The following CLDN16 variants were observed in gnomAD, a reference collection of about 807,000 sequenced individuals.
CLDN16 encodes the protein claudin 16, also known as claudin-16.
CLDN16 carries 13 observed loss-of-function variants against 24.6 expected under a neutral mutation model. The observed-to-expected ratio is 0.53, with a 90% CI of 0.34 to 0.84. The LOEUF (loss-of-function observed/expected upper bound fraction) is 0.84. CLDN16 is among the 40% of genes least tolerant of loss of function. The pLI is 0.01. For synonymous variants in CLDN16, 116 were observed against 106.7 expected, an observed-to-expected ratio of 1.09 and a Z score of -0.54; for missense variants, 298 against 292.7, an observed-to-expected ratio of 1.02 and a Z score of -0.13.
At chr3:190,345,682 T>A (rs980440956) in intron 1 of CLDN16, among the ~76,000 whole-genome samples, 3 of 152,158 alleles carry the variant, frequency 2.0e-5, no homozygotes, top group African/African-American at 4.8e-5. Context: ...TCAGCTTTGT[T>A]TAAATGCTTT....
the CLDN16 span, among the ~76,000 whole-genome samples, chr3:190,313,897 C>T: frequency 6.6e-6 from 1 of 152,116 alleles, no homozygotes; most frequent in African/African-American, 2.4e-5. Context: ...AACTTGATGC[C>T]ATCATTGTGG....
rs115693785 is a variant in CLDN16 at position 190,392,276 on chromosome 3, T to G, written c.114+3833T>G. Among the ~76,000 whole-genome samples the G allele has an allele frequency of 3.4e-3, 516 of 152,150 alleles. 4 individuals carry two copies. Among genetic ancestry groups the G allele is most frequent in the African/African-American group, 0.012 (493 of 41,512 alleles). On this transcript the variant is annotated intron_variant, in intron 1 of 4. Coordinates refer to ENST00000264734, the MANE Select transcript of CLDN16 (RefSeq NM_006580.4). ...CATTTCCTTGTTCCTTCCTTCCTCT[T>G]CTTTATTCCCCCTCTCTCTTTTCCT...
intron 1 of CLDN16, among the ~76,000 whole-genome samples, chr3:190,345,604 A>G (rs1717535132): frequency 1.3e-5 from 2 of 152,126 alleles, no homozygotes; most frequent in South Asian, 4.1e-4. Flanking sequence ...AAGCAGCATA[A>G]TGCTCTCTAG....
At chr3:190,301,532 TATC>T in the CLDN16 span, among the ~76,000 whole-genome samples, 1 of 152,134 alleles carries the variant, frequency 6.6e-6, no homozygotes, top group African/African-American at 2.4e-5. Flanking sequence ...AAGGAGAAAT[TATC>T]ATCATGTCCA....
At chr3:190,357,808 T>C (rs1206474227) in intron 1 of CLDN16, among the ~76,000 whole-genome samples, 1 of 151,982 alleles carries the variant, frequency 6.6e-6, no homozygotes, top group African/African-American at 2.4e-5. Context: ...AAAGCCATCT[T>C]TGGGTCTGTA....
At chr3:190,391,311 A>T (rs1193353005) in intron 1 of CLDN16, among the ~76,000 whole-genome samples, 1 of 151,652 alleles carries the variant, frequency 6.6e-6, no homozygotes, top group Non-Finnish European at 1.5e-5. Context: ...ATTATATCAT[A>T]TAAAAGGAAT....
chr3:190,372,070 C>A (rs1718154493), intron 2 of CLDN16, among the ~76,000 whole-genome samples: 1 of 151,914 alleles, frequency 6.6e-6, no homozygotes, highest in Non-Finnish European at 1.5e-5. Flanking sequence ...GGTCCCATGC[C>A]CTGTCTCACA....
intron 1 of CLDN16, among the ~76,000 whole-genome samples, chr3:190,355,536 A>G (rs146684888): frequency 2.6e-3 from 396 of 152,020 alleles, no homozygotes; most frequent in African/African-American, 6.4e-3. Flanking sequence ...AGGATAATTT[A>G]AACTTCTTAA....
intron 3 of CLDN16, among the ~76,000 whole-genome samples, chr3:190,381,568 A>T (rs1718373590): frequency 6.6e-6 from 1 of 152,044 alleles, no homozygotes; most frequent in African/African-American, 2.4e-5. Context: ...TAGGCCCTTG[A>T]TAATATTATT....
At chr3:190,299,282 A>G in the CLDN16 span, among the ~76,000 whole-genome samples, 7 of 151,602 alleles carry the variant, frequency 4.6e-5, no homozygotes, top group Non-Finnish European at 1.0e-4. Flanking sequence ...TTTTTTTTCC[A>G]TTTGATTGTA....
the CLDN16 span, among the ~76,000 whole-genome samples, chr3:190,315,858 A>C: frequency 6.6e-6 from 1 of 152,254 alleles, no homozygotes; most frequent in African/African-American, 2.4e-5. Flanking sequence ...CATCAATCTC[A>C]TGAGTCGGAC....
At chr3:190,406,513 A>T (rs1260532520) in intron 3 of CLDN16, among the ~76,000 whole-genome samples, 3 of 152,170 alleles carry the variant, frequency 2.0e-5, no homozygotes, top group African/African-American at 7.2e-5. Flanking sequence ...ACTGAAGAAA[A>T]TCCTGATAGG....
At chr3:190,294,157 G>A in the CLDN16 span, among the ~76,000 whole-genome samples, 1 of 152,138 alleles carries the variant, frequency 6.6e-6, no homozygotes, top group Non-Finnish European at 1.5e-5. Flanking sequence ...AGAGTTTTGT[G>A]CTTGTATTTA....
the CLDN16 span, among the ~76,000 whole-genome samples, chr3:190,316,459 C>A: frequency 1.3e-5 from 2 of 152,104 alleles, no homozygotes; most frequent in Non-Finnish European, 2.9e-5. Flanking sequence ...TAAAACAGCA[C>A]GAAAACTCAC....
At chr3:190,345,803 C>T (rs1040374057) in intron 1 of CLDN16, among the ~76,000 whole-genome samples, 8 of 152,122 alleles carry the variant, frequency 5.3e-5, no homozygotes, top group African/African-American at 1.9e-4. Flanking sequence ...CAGTTTGTCC[C>T]AGGTAATCTG....
chr3:190,312,919 T>C, the CLDN16 span: 4 of 1,614,200 alleles, frequency 2.5e-6, no homozygotes, highest in Non-Finnish European at 3.4e-6. Flanking sequence ...CCTCATCTTC[T>C]GCACCTCATC....
intron 1 of CLDN16, among the ~76,000 whole-genome samples, chr3:190,361,251 G>C (rs781143274): frequency 3.3e-5 from 5 of 151,962 alleles, no homozygotes; most frequent in African/African-American, 1.2e-4. Flanking sequence ...ATTAGCAATT[G>C]GCTTTAACTA....
chr3:190,296,867 G>C, the CLDN16 span, among the ~76,000 whole-genome samples: 7 of 152,092 alleles, frequency 4.6e-5, no homozygotes, highest in African/African-American at 1.7e-4. Flanking sequence ...AATTTTAAGT[G>C]ATGTGGAAAT....
chr3:190,314,419 G>A, the CLDN16 span, among the ~76,000 whole-genome samples: 2 of 152,032 alleles, frequency 1.3e-5, no homozygotes, highest in East Asian at 3.8e-4. Flanking sequence ...TTTTGAGATA[G>A]AGTCTTGCTC....
Sources: gnomAD v4.1 joint callset for allele counts (sites outside exome capture counted in the v4.1 genomes callset) on GRCh38, gnomAD v4.1.1 for gene constraint, MANE v1.5 for transcripts, NCBI Gene and HGNC (gene_info 2026-07-23, HGNC 2026-07-21) for gene names.